MYO16: variants seen among roughly 807,000 people sequenced by gnomAD.
The protein encoded by MYO16 is unconventional myosin-XVI.
In MYO16, 94 loss-of-function variants were observed where a neutral mutation model predicts 205.3. The observed-to-expected ratio is 0.46, with a 90% confidence interval of 0.39 to 0.54. The LOEUF (loss-of-function observed/expected upper bound fraction) is 0.54, where lower values mean the gene tolerates loss of function less well. Among genes scored for constraint, MYO16 ranks in the 20% least tolerant of loss-of-function variants. The pLI is 0.00. For missense variants in MYO16, 2,315 were observed against 2,387.5 expected, an observed-to-expected ratio of 0.97 and a Z score of 0.63; for synonymous variants, 988 against 954.0, an observed-to-expected ratio of 1.04 and a Z score of -0.66.
intron 2 of MYO16, among the ~76,000 whole-genome samples, chr13:108,682,102 A>G (rs1456344233): frequency 3.3e-5 from 5 of 152,126 alleles, no homozygotes; most frequent in African/African-American, 1.2e-4. Context: ...GTGGTTTTCA[A>G]CTTCACATAT....
At chr13:108,499,422 G>A in the MYO16 span, among the ~76,000 whole-genome samples, 1 of 152,178 alleles carries the variant, frequency 6.6e-6, no homozygotes, top group African/African-American at 2.4e-5. Context: ...ATCTGGGGCT[G>A]GGACCACAAC....
chr13:109,152,511 G>A (rs1877730681), intron 32 of MYO16, among the ~76,000 whole-genome samples: 1 of 152,176 alleles, frequency 6.6e-6, no homozygotes, highest in Non-Finnish European at 1.5e-5. Flanking sequence ...TAATTTAGAG[G>A]TTAGGGACAG....
At chr13:108,619,538 C>A (rs111578678) in intron 1 of MYO16, among the ~76,000 whole-genome samples, 3 of 152,056 alleles carry the variant, frequency 2.0e-5, no homozygotes, top group African/African-American at 7.2e-5. Context: ...ATCAATGTAG[C>A]AGCATCATGT....
chr13:109,194,072 G>A (rs1402617052), intron 34 of MYO16, among the ~76,000 whole-genome samples: 1 of 151,976 alleles, frequency 6.6e-6, no homozygotes, highest in Non-Finnish European at 1.5e-5. Context: ...ATGCTATCCT[G>A]CCTCGTGAAA....
chr13:109,144,385 A>G (rs1877236173), intron 32 of MYO16, among the ~76,000 whole-genome samples: 1 of 152,184 alleles, frequency 6.6e-6, no homozygotes, highest in South Asian at 2.1e-4. Context: ...GTTCTCATGG[A>G]TAGTTCAGGC....
At chr13:108,830,954 A>C (rs1248052751) in intron 9 of MYO16, among the ~76,000 whole-genome samples, 1 of 152,112 alleles carries the variant, frequency 6.6e-6, no homozygotes, top group Non-Finnish European at 1.5e-5. Flanking sequence ...ATATCTTTAC[A>C]TCTGTTTCTG....
chr13:108,737,852 G>A (rs1431794542), intron 4 of MYO16, among the ~76,000 whole-genome samples: 1 of 151,998 alleles, frequency 6.6e-6, no homozygotes, highest in African/African-American at 2.4e-5. Flanking sequence ...ACTTCTTCCT[G>A]GTTTAGTTTT....
chr13:108,654,783 T>A (rs1453271446), intron 1 of MYO16, among the ~76,000 whole-genome samples: 1 of 152,168 alleles, frequency 6.6e-6, no homozygotes, highest in Non-Finnish European at 1.5e-5. Context: ...GATGAGAAAC[T>A]TGTTGGGAAC....
Position 109,141,394 on chromosome 13 carries a change from C to T in MYO16, c.5164+18C>T. The T allele has an allele frequency of 7.0e-7, 1 of 1,428,002 alleles. No individual in the cohort carries two copies. The highest frequency in any genetic ancestry group is 9.3e-7 in the Non-Finnish European group (1 of 1,078,878). The allele number at this position is 1,428,002 out of a possible 1,614,324, so 88.5% of individuals were successfully genotyped here. On this transcript the variant is annotated intron_variant, in intron 32 of 34. Coordinates refer to ENST00000457511, the MANE Select transcript of MYO16 (RefSeq NM_001198950.3). This position sits in a 1 kb window ranked among gnomAD's most constrained non-coding sequence, Gnocchi z 4.1. ...AGCAGAAGGTAAGCGGAGCAGACAT[C>T]CCCCCACTCCTTTTGCATGGACGCT...
intron 3 of MYO16, among the ~76,000 whole-genome samples, chr13:108,715,677 C>G (rs1217760192): frequency 6.6e-6 from 1 of 152,092 alleles, no homozygotes; most frequent in African/African-American, 2.4e-5. Flanking sequence ...CTGAGGGAGA[C>G]AGAAAAATAA....
chr13:109,009,191 G>A, intron 22 of MYO16, 142 bp downstream of exon 22: 2 of 612,076 alleles, frequency 3.3e-6, no homozygotes, highest in East Asian at 3.2e-5. Flanking sequence ...AATGTATTGA[G>A]GTGCACAAGT....
intron 16 of MYO16, among the ~76,000 whole-genome samples, chr13:108,933,083 T>C (rs151105521): frequency 6.6e-6 from 1 of 152,224 alleles, no homozygotes; most frequent in African/African-American, 2.4e-5. Context: ...ATTTTCAGAA[T>C]GAGAATGTTC....
chr13:109,188,419 A>G (rs1178640612), intron 34 of MYO16, among the ~76,000 whole-genome samples: 1 of 152,202 alleles, frequency 6.6e-6, no homozygotes, highest in Non-Finnish European at 1.5e-5. Context: ...TGTAGGCAAC[A>G]TAACAGATGA....
At chr13:108,613,598 G>A (rs1879251437) in intron 1 of MYO16, among the ~76,000 whole-genome samples, 1 of 152,138 alleles carries the variant, frequency 6.6e-6, no homozygotes, top group Non-Finnish European at 1.5e-5. Context: ...AAAAAGCAAA[G>A]TATTCAACAA....
At chr13:108,581,756 G>A in the MYO16 span, among the ~76,000 whole-genome samples, 1 of 151,742 alleles carries the variant, frequency 6.6e-6, no homozygotes, top group Non-Finnish European at 1.5e-5. Context: ...CATGGTGGTG[G>A]GCACCTGTAT....
chr13:109,102,801 A>C (rs1335174121), intron 28 of MYO16, among the ~76,000 whole-genome samples: 1 of 152,124 alleles, frequency 6.6e-6, no homozygotes, highest in African/African-American at 2.4e-5. Context: ...ATTGAAACAT[A>C]CATTGGGACT....
At position 108,697,534 on chromosome 13, in the gene MYO16, G is replaced by T. The variant is rs572367990; in HGVS notation, c.293-15127G>T. Among the ~76,000 whole-genome samples, 3 of 152,262 alleles carry T rather than the reference G, an allele frequency of 2.0e-5. No homozygotes were observed. In the East Asian group the frequency reaches 5.8e-4, roughly 29 times the overall value. On this transcript the variant is annotated intron_variant, in intron 2 of 34. Coordinates refer to ENST00000457511, the MANE Select transcript of MYO16 (RefSeq NM_001198950.3). ...GATCTAATGTAGAACAAAGGCATTA[G>T]CTCACATGAAAACTGCATAGAAGTT...
intron 2 of MYO16, among the ~76,000 whole-genome samples, chr13:108,698,716 A>C (rs1883183776): frequency 6.6e-6 from 1 of 152,204 alleles, no homozygotes; most frequent in Non-Finnish European, 1.5e-5. Context: ...TGAGATTTCT[A>C]CCACAGAAGC....
At chr13:108,880,324 C>T (rs1399332039) in intron 12 of MYO16, among the ~76,000 whole-genome samples, 1 of 152,194 alleles carries the variant, frequency 6.6e-6, no homozygotes, top group Non-Finnish European at 1.5e-5. Flanking sequence ...CCTGTTCACT[C>T]TGATGGTAGT....
Sources: gnomAD v4.1 joint callset for allele counts (sites outside exome capture counted in the v4.1 genomes callset) on GRCh38, gnomAD v4.1.1 for gene constraint, Gnocchi (gnomAD v3.1) non-coding constraint, MANE v1.5 for transcripts, NCBI Gene and HGNC (gene_info 2026-07-23, HGNC 2026-07-21) for gene names.